SKI: variants seen among roughly 807,000 people sequenced by gnomAD.
The protein encoded by SKI is ski oncogene.
SKI carries 23 observed loss-of-function variants against 59.3 expected under a neutral mutation model. The observed-to-expected ratio is 0.39, with a 90% confidence interval of 0.28 to 0.55. The LOEUF (loss-of-function observed/expected upper bound fraction) is 0.55, where lower values mean the gene tolerates loss of function less well. Among genes scored for constraint, SKI ranks in the 20% least tolerant of loss-of-function variants. The pLI is 0.67. For missense variants in SKI, 1,017 were observed against 1,038.9 expected (o/e 0.98, Z 0.29); for synonymous variants, 673 against 488.6 (o/e 1.38, Z -4.98).
chr1:2,287,623 G>A (rs1364799414), intron 1 of SKI, among the ~76,000 whole-genome samples: 1 of 152,184 alleles, frequency 6.6e-6, no homozygotes, highest in Non-Finnish European at 1.5e-5. Context: ...CCTGTGGGTG[G>A]GGGTGGTCTC....
Position 2,228,771 on chromosome 1 carries a change from A to G in SKI, c.5A>G (p.Glu2Gly). The change falls in exon 1 of 7, where the codon GAG becomes GGG. Residue 2 changes from glutamate (E) to glycine (G), a missense_variant. Physicochemically the swap from Glu to Gly is moderately conservative, Grantham distance 98. Transcript: ENST00000378536. M[E>G]AAAGGRGCFQ... is the part of the protein sequence containing the mutation. The stretch of plus-strand genomic sequence containing the variant: ...CCGGGGGAGCCGGAGCGCACCATGG[A>G]GGCGGCGGCAGGCGGCCGCGGCTGT... 7.9e-7 allele frequency: 1 copy of G among 1,267,796 alleles called. No homozygotes were observed. Among genetic ancestry groups the G allele is most frequent in the Non-Finnish European group, 1.0e-6 (1 of 992,276 alleles). 78.5% of individuals were successfully genotyped at this position (1,267,796 alleles called of 1,614,324 possible).
intron 1 of SKI, among the ~76,000 whole-genome samples, chr1:2,277,743 TCA>T (rs548088079): frequency 1.5e-3 from 201 of 134,358 alleles, no homozygotes; most frequent in African/African-American, 5.6e-3. Flanking sequence ...ACACCTGCAC[TCA>T]CACATTCATC....
chr1:2,258,245 C>T (rs771335746), intron 1 of SKI, among the ~76,000 whole-genome samples: 1 of 152,244 alleles, frequency 6.6e-6, no homozygotes, highest in East Asian at 1.9e-4. Flanking sequence ...ACACAGGATT[C>T]CTGGTCCTTA....
chr1:2,279,665 C>G (rs1378834022), intron 1 of SKI, among the ~76,000 whole-genome samples: 3 of 151,990 alleles, frequency 2.0e-5, no homozygotes, highest in East Asian at 1.9e-4. Context: ...TCCTGCCCAC[C>G]CAGGCACTGG....
At chr1:2,305,158 C>G (rs1000372957) in intron 5 of SKI, among the ~76,000 whole-genome samples, 1 of 152,248 alleles carries the variant, frequency 6.6e-6, no homozygotes. Flanking sequence ...CACCTGCACA[C>G]GCTGCTTCTC....
At position 2,310,001 on chromosome 1, in the gene SKI, C is replaced by CTGCCCG; in HGVS notation, c.*3242_*3247dup. ...TTTAACATCACCCAGACCCCCGCCCCTGCCCGTGCCCCACGCTGCTGCTAA... is the reference window on the plus strand; with the variant it reads ...TTTAACATCACCCAGACCCCCGCCCCTGCCCGTGCCCGTGCCCCACGCTGCTGCTAA... On this transcript the variant is annotated 3_prime_UTR_variant, in exon 7 of 7. Coordinates refer to ENST00000378536, the MANE Select transcript of SKI (RefSeq NM_003036.4). The CTGCCCG allele has an allele frequency of 6.7e-6, 1 of 149,694 alleles. No homozygotes were observed. Among genetic ancestry groups the CTGCCCG allele is most frequent in the Middle Eastern group, 3.1e-3 (1 of 320 alleles). 9.3% of individuals were successfully genotyped at this position (149,694 alleles called of 1,614,324 possible). A position where few individuals can be genotyped will look rare whatever the true frequency, so the allele number is the denominator to read the frequency against.
At chr1:2,248,806 G>A (rs989543971) in intron 1 of SKI, among the ~76,000 whole-genome samples, 10 of 152,342 alleles carry the variant, frequency 6.6e-5, no homozygotes, top group Admixed American at 2.6e-4. Context: ...TTCTAGGAGC[G>A]TAGAGAGGCA....
At chr1:2,289,003 G>A (rs568953646) in intron 1 of SKI, among the ~76,000 whole-genome samples, 15 of 152,330 alleles carry the variant, frequency 9.8e-5, no homozygotes, top group East Asian at 5.8e-4. Context: ...TGGTTTTCCC[G>A]AATCGCATGC....
intron 1 of SKI, among the ~76,000 whole-genome samples, chr1:2,302,164 A>T (rs571556274): frequency 6.6e-6 from 1 of 152,176 alleles, no homozygotes. Context: ...CACCTGACAC[A>T]CAACACCTGG....
intron 1 of SKI, among the ~76,000 whole-genome samples, chr1:2,246,856 G>C (rs111882846): frequency 5.0e-3 from 598 of 120,704 alleles, no homozygotes; most frequent in Non-Finnish European, 6.7e-3. Context: ...AACCTGATGG[G>C]GGGGGCCTCA....
At chr1:2,286,035 G>A (rs1396315199) in intron 1 of SKI, among the ~76,000 whole-genome samples, 9 of 151,726 alleles carry the variant, frequency 5.9e-5, no homozygotes, top group Non-Finnish European at 1.0e-4. Flanking sequence ...TGCCACACCC[G>A]GCTAATTTTT....
intron 1 of SKI, among the ~76,000 whole-genome samples, chr1:2,284,982 C>T (rs1640005724): frequency 6.6e-6 from 1 of 152,178 alleles, no homozygotes; most frequent in Admixed American, 6.5e-5. Context: ...TGTAAATTAA[C>T]AGGACAGAAA....
chr1:2,285,597 C>A (rs1300367711), intron 1 of SKI, among the ~76,000 whole-genome samples: 1 of 149,250 alleles, frequency 6.7e-6, no homozygotes, highest in Non-Finnish European at 1.5e-5. Context: ...CGGAATCTTG[C>A]TCTGTCACCC....
chr1:2,282,127 A>G (rs2935274), intron 1 of SKI, among the ~76,000 whole-genome samples: 4 of 80,736 alleles, frequency 5.0e-5, no homozygotes, highest in Non-Finnish European at 7.6e-5. Flanking sequence ...ATGCCCGAGA[A>G]GACAGGCGGT....
intron 1 of SKI, among the ~76,000 whole-genome samples, chr1:2,274,298 T>C (rs1044872005): frequency 1.3e-5 from 2 of 152,214 alleles, no homozygotes; most frequent in Non-Finnish European, 2.9e-5. Context: ...CGGCAAGTTC[T>C]TGGCCCTTCC....
At position 2,264,443 on chromosome 1, in the gene SKI, T is replaced by C. The variant is rs1014820243; in HGVS notation, c.969+34708T>C. The stretch of plus-strand genomic sequence containing the variant: ...GCCACCACACCTGGCTAATTTTTTG[T>C]ATTTTTAGTAGAGACAGGGTTTCTC... On this transcript the variant is annotated intron_variant, in intron 1 of 6. Coordinates refer to ENST00000378536, the MANE Select transcript of SKI (RefSeq NM_003036.4). 5.9e-5 allele frequency among the ~76,000 whole-genome samples: 9 copies of C among 151,740 alleles called. 1 individual carries two copies. Among genetic ancestry groups the C allele is most frequent in the African/African-American group, 2.2e-4 (9 of 41,162 alleles).
Position 2,286,831 on chromosome 1 carries a change from G to A in SKI, c.970-16147G>A, listed in dbSNP as rs1024289930. Among the ~76,000 whole-genome samples, 17 of 152,362 alleles carry A rather than the reference G, an allele frequency of 1.1e-4. No individual in the cohort carries two copies. In the East Asian group the frequency reaches 2.5e-3, roughly 22 times the overall value. On this transcript the variant is annotated intron_variant, in intron 1 of 6. Transcript: ENST00000378536. ...CTCCTCCACTGGACGCTCTTTACAC[G>A]GGCTGGGAATGGCAGTGGGCTTGCA...
rs746462939 is a variant in SKI at position 2,304,607 on chromosome 1, G to A, written c.1767+22G>A. On this transcript the variant is annotated intron_variant, in intron 5 of 6. Coordinates refer to ENST00000378536, the MANE Select transcript of SKI (RefSeq NM_003036.4). The stretch of plus-strand genomic sequence containing the variant: ...CCAGGTGAGCGGGGCGAGTGGTGCT[G>A]GGAGGTCCAGGGCACGGGCAGTGAG... The A allele has an allele frequency of 3.1e-5, 48 of 1,533,734 alleles. 1 individual carries two copies. In the South Asian group the frequency reaches 5.8e-4, roughly 19 times the overall value.
intron 1 of SKI, among the ~76,000 whole-genome samples, chr1:2,280,432 C>T (rs1042359004): frequency 6.6e-6 from 1 of 152,000 alleles, no homozygotes. Flanking sequence ...CCCCTTCTAC[C>T]CTCGTTGGGG....
Sources: gnomAD v4.1 joint callset for allele counts (sites outside exome capture counted in the v4.1 genomes callset) on GRCh38, gnomAD v4.1.1 for gene constraint, MANE v1.5 for transcripts, NCBI Gene and HGNC (gene_info 2026-07-23, HGNC 2026-07-21) for gene names.